The following CCDC126 variants were observed in gnomAD, a reference collection of about 807,000 sequenced individuals.
CCDC126 encodes coiled-coil domain-containing protein 126.
CCDC126 carries 5 observed loss-of-function variants against 11.7 expected under a neutral mutation model. That is an observed-to-expected ratio of 0.43 (90% CI 0.22 to 0.90). The LOEUF (loss-of-function observed/expected upper bound fraction) is 0.90, where lower values mean the gene tolerates loss of function less well. Among genes scored for constraint, CCDC126 ranks in the 40% least tolerant of loss-of-function variants. CCDC126 has a pLI of 0.27. For synonymous variants in CCDC126, 60 were observed against 61.9 expected (o/e 0.97, Z 0.14); for missense variants, 150 against 163.1 (o/e 0.92, Z 0.44).
At chr7:23,622,774 A>G (rs1782937787) in intron 3 of CCDC126, 1 of 501,248 alleles carries the variant, frequency 2.0e-6, no homozygotes, top group Admixed American at 2.1e-5. Flanking sequence ...ATTTCTAACC[A>G]TAGATACAAC....
At chr7:23,638,875 A>AG (rs1783298995) in intron 3 of CCDC126, among the ~76,000 whole-genome samples, 1 of 148,410 alleles carries the variant, frequency 6.7e-6, no homozygotes, top group Non-Finnish European at 1.5e-5. Context: ...AAAAAAAAAA[A>AG]AAAAAAAAAA....
chr7:23,623,593 CAAAAA>C (rs35474549), intron 3 of CCDC126, among the ~76,000 whole-genome samples: 1 of 107,840 alleles, frequency 9.3e-6, no homozygotes, highest in Admixed American at 9.2e-5. Flanking sequence ...GAGACTGTCT[CAAAAA>C]AAAAAAAAAA....
chr7:23,602,757 TCA>T (rs1262011244), intron 2 of CCDC126, among the ~76,000 whole-genome samples: 1 of 152,136 alleles, frequency 6.6e-6, no homozygotes, highest in Non-Finnish European at 1.5e-5. Flanking sequence ...TTCTTTGACC[TCA>T]CACCTCAGGC....
chr7:23,609,959 G>A (rs1782681512), intron 2 of CCDC126, among the ~76,000 whole-genome samples: 1 of 152,196 alleles, frequency 6.6e-6, no homozygotes, highest in Non-Finnish European at 1.5e-5. Flanking sequence ...TCTGACTCGA[G>A]ATACATTTCT....
chr7:23,622,438 A>G lies in CCDC126; in HGVS notation c.238+10885A>G, dbSNP rs183186576. 1.1e-3 allele frequency: 423 copies of G among 371,004 alleles called. 4 individuals carry two copies. The East Asian group carries it at 0.015, about 13-fold the overall frequency. 23.0% of individuals were successfully genotyped at this position (371,004 alleles called of 1,614,324 possible). Reference sequence around the variant, plus strand: ...GATCAGTGGTGATCTCTCCTTTATCATTTTTTATTGCGTCTATTTGACTCT... The same window carrying G: ...GATCAGTGGTGATCTCTCCTTTATCGTTTTTTATTGCGTCTATTTGACTCT... On this transcript the variant is annotated intron_variant, in intron 3 of 3. Transcript: ENST00000307471.
At chr7:23,612,003 A>T (rs889501877) in intron 3 of CCDC126, among the ~76,000 whole-genome samples, 3 of 152,084 alleles carry the variant, frequency 2.0e-5, no homozygotes, top group Admixed American at 6.5e-5. Flanking sequence ...CAAATTAGCC[A>T]GACATGGTGG....
intron 2 of CCDC126, among the ~76,000 whole-genome samples, chr7:23,605,260 C>T (rs1359651147): frequency 2.6e-5 from 4 of 151,886 alleles, no homozygotes; most frequent in Admixed American, 6.6e-5. Flanking sequence ...GAGATTAGGA[C>T]AAAGAGAAAT....
chr7:23,639,943 A>G (rs1443848068), intron 3 of CCDC126, among the ~76,000 whole-genome samples: 5 of 152,158 alleles, frequency 3.3e-5, no homozygotes, highest in Admixed American at 1.3e-4. Flanking sequence ...TGGGAGGCCG[A>G]GGTGGGTAGA....
intron 2 of CCDC126, among the ~76,000 whole-genome samples, chr7:23,600,377 C>T (rs532111005): frequency 6.4e-5 from 8 of 124,656 alleles, no homozygotes; most frequent in African/African-American, 1.4e-4. Flanking sequence ...TGTGTTAACC[C>T]CCCCCCCCCC....
chr7:23,612,569 A>G lies in CCDC126; in HGVS notation c.238+1016A>G, dbSNP rs150893523. Among the ~76,000 whole-genome samples, 283 of 148,156 alleles carry G rather than the reference A, an allele frequency of 1.9e-3. 1 individual carries two copies. The highest frequency in any genetic ancestry group is 7.2e-3 in the Middle Eastern group (2 of 276). ...ACACCTGTAGTCTTAGCTAGTCGGGAGGCTGAGGTGGGAAGATGGCTTGAG... is the reference window on the plus strand; with the variant it reads ...ACACCTGTAGTCTTAGCTAGTCGGGGGGCTGAGGTGGGAAGATGGCTTGAG... On this transcript the variant is annotated intron_variant, in intron 3 of 3. Coordinates refer to ENST00000307471, the MANE Select transcript of CCDC126 (RefSeq NM_138771.4).
chr7:23,623,351 C>G (rs1390620150), intron 3 of CCDC126, among the ~76,000 whole-genome samples: 2 of 151,966 alleles, frequency 1.3e-5, no homozygotes, highest in Non-Finnish European at 2.9e-5. Context: ...TGGTACAGCA[C>G]TTTGAGAGGC....
At chr7:23,615,584 C>T (rs952766952) in intron 3 of CCDC126, among the ~76,000 whole-genome samples, 2 of 152,228 alleles carry the variant, frequency 1.3e-5, no homozygotes, top group African/African-American at 4.8e-5. Context: ...GCCTTCCTCA[C>T]TAAATTTAAT....
chr7:23,609,602 T>C (rs1056727477), intron 2 of CCDC126, among the ~76,000 whole-genome samples: 1 of 152,206 alleles, frequency 6.6e-6, no homozygotes, highest in African/African-American at 2.4e-5. Flanking sequence ...GTGCTGTGGC[T>C]TATGCCTCTA....
At chr7:23,605,716 G>A (rs1259299653) in intron 2 of CCDC126, among the ~76,000 whole-genome samples, 1 of 152,104 alleles carries the variant, frequency 6.6e-6, no homozygotes, top group African/African-American at 2.4e-5. Context: ...TTTATCTGTT[G>A]ATGGACACTT....
At chr7:23,620,677 G>A (rs1415122250) in intron 3 of CCDC126, among the ~76,000 whole-genome samples, 1 of 152,276 alleles carries the variant, frequency 6.6e-6, no homozygotes, top group Non-Finnish European at 1.5e-5. Context: ...GAATGGTATT[G>A]CCTAGGTTTT....
intron 3 of CCDC126, among the ~76,000 whole-genome samples, chr7:23,631,425 C>T (rs1007942848): frequency 2.6e-5 from 4 of 152,046 alleles, no homozygotes; most frequent in East Asian, 1.9e-4. Flanking sequence ...AACAAATTGC[C>T]GCAATCCACC....
At chr7:23,631,645 C>T (rs1584213799) in intron 3 of CCDC126, among the ~76,000 whole-genome samples, 1 of 151,958 alleles carries the variant, frequency 6.6e-6, no homozygotes, top group African/African-American at 2.4e-5. Context: ...CCTGTAATCC[C>T]AGCTACTCAG....
intron 3 of CCDC126, among the ~76,000 whole-genome samples, chr7:23,634,871 A>C (rs559673992): frequency 6.6e-6 from 1 of 152,128 alleles, no homozygotes; most frequent in East Asian, 1.9e-4. Context: ...AAATCACTAC[A>C]TTCTCCCTCT....
chr7:23,636,772 G>T (rs907756385), intron 3 of CCDC126, among the ~76,000 whole-genome samples: 2 of 136,158 alleles, frequency 1.5e-5, no homozygotes, highest in South Asian at 2.4e-4. Flanking sequence ...AGGGAGGTGG[G>T]GGGGGGGTCA....
Sources: gnomAD v4.1 joint callset for allele counts (sites outside exome capture counted in the v4.1 genomes callset) on GRCh38, gnomAD v4.1.1 for gene constraint, MANE v1.5 for transcripts, NCBI Gene and HGNC (gene_info 2026-07-23, HGNC 2026-07-21) for gene names.